The following SRPK2 variants were observed in gnomAD, a reference collection of about 807,000 sequenced individuals.
SRPK2 encodes the protein SFRS protein kinase 2.
SRPK2 carries 21 observed loss-of-function variants against 90.8 expected under a neutral mutation model. The ratio of observed to expected loss-of-function variants is 0.23; its 90% CI spans 0.16 to 0.33. The LOEUF (loss-of-function observed/expected upper bound fraction) is 0.33, where lower values mean the gene tolerates loss of function less well. Ranked by LOEUF, SRPK2 falls within the 10% of genes least tolerant of loss-of-function variation. SRPK2 has a pLI of 1.00. For missense variants in SRPK2, 620 were observed against 869.0 expected (o/e 0.71, Z 3.60); for synonymous variants, 288 against 311.1 (o/e 0.93, Z 0.78).
rs955541874 is a variant in SRPK2, at chr7:105,344,586, C to T, written c.71+44062G>A. ...ACAAAATCTTCTGAATTTTTTCAAT[C>T]ATTTAAAAAACATAAAAGCTATCTT... is the stretch of plus-strand genomic sequence containing the variant. On this transcript the variant is annotated intron_variant, in intron 2 of 15. Coordinates refer to ENST00000393651, the MANE Select transcript of SRPK2 (RefSeq NM_182692.3). Among the ~76,000 whole-genome samples the T allele has an allele frequency of 2.6e-5, 4 of 151,814 alleles. No individual in the cohort carries two copies. The East Asian group carries it at 5.8e-4, about 22-fold the overall frequency.
intron 2 of SRPK2, among the ~76,000 whole-genome samples, chr7:105,316,699 A>G (rs962378925): frequency 1.3e-5 from 2 of 152,252 alleles, no homozygotes; most frequent in African/African-American, 2.4e-5. Context: ...CACAAGAGAT[A>G]CAAGGATAGG....
At chr7:105,363,614 G>A (rs1818688754) in intron 2 of SRPK2, among the ~76,000 whole-genome samples, 1 of 152,214 alleles carries the variant, frequency 6.6e-6, no homozygotes, top group African/African-American at 2.4e-5. Context: ...GTGGAAGGCA[G>A]TGTGGTGAAT....
intron 2 of SRPK2, among the ~76,000 whole-genome samples, chr7:105,357,786 A>G (rs888688681): frequency 1.3e-5 from 2 of 150,396 alleles, no homozygotes; most frequent in Non-Finnish European, 3.0e-5. Flanking sequence ...CAAAAAAAAG[A>G]TTCAAAGATA....
chr7:105,278,314 CAA>C (rs34389951), intron 2 of SRPK2, among the ~76,000 whole-genome samples: 3,335 of 104,044 alleles, frequency 0.032, 97 homozygotes, highest in East Asian at 0.1. Flanking sequence ...GATTCTGTCT[CAA>C]AAAAAAAAAA....
At chr7:105,231,639 T>C (rs1260695190) in intron 2 of SRPK2, among the ~76,000 whole-genome samples, 1 of 152,212 alleles carries the variant, frequency 6.6e-6, no homozygotes, top group African/African-American at 2.4e-5. Flanking sequence ...TTCACTGTGG[T>C]TTTGATTTAC....
At chr7:105,125,111 C>CA (rs1800991262) in intron 15 of SRPK2, among the ~76,000 whole-genome samples, 1 of 113,330 alleles carries the variant, frequency 8.8e-6, no homozygotes. Flanking sequence ...GCCTGGGCAA[C>CA]AGAGCAAGAC....
At chr7:105,180,217 C>A (rs956617532) in intron 3 of SRPK2, among the ~76,000 whole-genome samples, 2 of 152,102 alleles carry the variant, frequency 1.3e-5, no homozygotes, top group Non-Finnish European at 2.9e-5. Context: ...GGCACTGATG[C>A]AAAAACAAAC....
chr7:105,159,916 C>A (rs1807322648), intron 7 of SRPK2, among the ~76,000 whole-genome samples: 1 of 152,092 alleles, frequency 6.6e-6, no homozygotes, highest in Non-Finnish European at 1.5e-5. Flanking sequence ...ATGATTAGCA[C>A]AAAACAGCTA....
At chr7:105,369,354 G>C (rs1819454426) in intron 2 of SRPK2, among the ~76,000 whole-genome samples, 1 of 151,844 alleles carries the variant, frequency 6.6e-6, no homozygotes, top group African/African-American at 2.4e-5. Flanking sequence ...CATCACGCTG[G>C]CCAGGCTGGT....
intron 2 of SRPK2, among the ~76,000 whole-genome samples, chr7:105,211,718 T>C (rs1400172345): frequency 6.6e-6 from 1 of 152,194 alleles, no homozygotes; most frequent in Non-Finnish European, 1.5e-5. Flanking sequence ...AATTCAACAT[T>C]AGATTTGGGC....
intron 1 of SRPK2, among the ~76,000 whole-genome samples, chr7:105,395,009 C>G (rs1030595449): frequency 2.0e-5 from 3 of 152,016 alleles, no homozygotes; most frequent in African/African-American, 7.2e-5. Context: ...CCCATCTCTA[C>G]TAAAAATACA....
At position 105,367,796 on chromosome 7, in the gene SRPK2, A is replaced by G. The variant is rs1313417833; in HGVS notation, c.71+20852T>C. 2.0e-5 allele frequency among the ~76,000 whole-genome samples: 3 copies of G among 152,360 alleles called. No homozygotes were observed. The East Asian group carries it at 5.8e-4, about 29-fold the overall frequency. ...ATGTTGGTAAATGATAAAACAGGCT[A>G]GCATCTACAAATATTTTAAGCATTC... On this transcript the variant is annotated intron_variant, in intron 2 of 15. Transcript: ENST00000393651.
intron 13 of SRPK2, among the ~76,000 whole-genome samples, chr7:105,131,339 C>T (rs964065465): frequency 7.9e-5 from 12 of 152,306 alleles, no homozygotes; most frequent in African/African-American, 2.9e-4. Context: ...TGGGGTCACA[C>T]AGAGAGGGTC....
chr7:105,237,526 C>T (rs1163236307), intron 2 of SRPK2, among the ~76,000 whole-genome samples: 1 of 152,154 alleles, frequency 6.6e-6, no homozygotes, highest in Admixed American at 6.5e-5. Context: ...TATTCTGGAG[C>T]CCAGATAGTT....
rs142284298 is a variant in SRPK2, at chr7:105,263,028, T to C, written c.72-59243A>G. On this transcript the variant is annotated intron_variant, in intron 2 of 15. Transcript: ENST00000393651. The stretch of plus-strand genomic sequence containing the variant: ...AGCTTCATTAACCAAAAGACATGTA[T>C]GGAAATGCTCACGGCAGACTGGGCA... Among the ~76,000 whole-genome samples, 497 of 152,184 alleles carry C rather than the reference T, an allele frequency of 3.3e-3. 1 individual carries two copies. Among genetic ancestry groups the C allele is most frequent in the African/African-American group, 0.012 (481 of 41,534 alleles).
intron 7 of SRPK2, among the ~76,000 whole-genome samples, chr7:105,150,395 C>A (rs2129578567): frequency 6.6e-6 from 1 of 152,194 alleles, no homozygotes; most frequent in Admixed American, 6.5e-5. Context: ...GTGGCACAGG[C>A]AAGGTAGCAC....
At chr7:105,149,771 T>G (rs971523371) in intron 7 of SRPK2, among the ~76,000 whole-genome samples, 7 of 152,204 alleles carry the variant, frequency 4.6e-5, no homozygotes, top group Non-Finnish European at 8.8e-5. Context: ...AGTAGCATTA[T>G]GAAGTGAGAG....
intron 1 of SRPK2, among the ~76,000 whole-genome samples, chr7:105,396,158 G>A (rs949493473): frequency 6.6e-6 from 1 of 151,552 alleles, no homozygotes; most frequent in African/African-American, 2.4e-5. Flanking sequence ...CAGGTGATCT[G>A]CCTGCCTCGA....
intron 2 of SRPK2, among the ~76,000 whole-genome samples, chr7:105,353,219 T>G (rs1817403523): frequency 1.3e-5 from 2 of 152,210 alleles, no homozygotes; most frequent in African/African-American, 2.4e-5. Context: ...GTTTTAAATC[T>G]CAGCTCTACA....
Sources: allele counts gnomAD v4.1 joint callset (sites outside exome capture counted in the v4.1 genomes callset), GRCh38; gene constraint gnomAD v4.1.1; transcripts MANE v1.5; gene names NCBI Gene and HGNC (gene_info 2026-07-23, HGNC 2026-07-21).